DMD: variants seen among roughly 807,000 people sequenced by gnomAD.
DMD encodes the protein dystrophin.
In DMD, 63 loss-of-function variants were observed where a neutral mutation model predicts 330.1. The ratio of observed to expected loss-of-function variants is 0.19; its 90% CI spans 0.16 to 0.24. The LOEUF (loss-of-function observed/expected upper bound fraction) is 0.24, where lower values mean the gene tolerates loss of function less well. Ranked by LOEUF, DMD falls within the 10% of genes least tolerant of loss-of-function variation. DMD has a pLI of 1.00. For missense variants in DMD, 3,344 were observed against 2,684.1 expected (o/e 1.25, Z -5.43); for synonymous variants, 1,223 against 959.8 (o/e 1.27, Z -5.07).
intron 1 of DMD, among the ~76,000 whole-genome samples, chrX:33,173,850 C>A (rs1414550785): frequency 9.1e-6 from 1 of 109,448 alleles, no homozygotes; most frequent in Non-Finnish European, 1.9e-5. Context: ...ACCAAATCAC[C>A]CTTAATAACT....
At chrX:31,638,828 T>A (rs1230278369) in intron 54 of DMD, among the ~76,000 whole-genome samples, 1 of 112,035 alleles carries the variant, frequency 8.9e-6, no homozygotes, top group African/African-American at 3.2e-5. Flanking sequence ...TACAATAATA[T>A]CTCTTATAAT....
intron 60 of DMD, among the ~76,000 whole-genome samples, chrX:31,400,366 G>A (rs1428627847): frequency 1.8e-5 from 2 of 111,099 alleles, no homozygotes; most frequent in Non-Finnish European, 3.8e-5. Flanking sequence ...CTTCTGGATG[G>A]AACAAATGTA....
intron 37 of DMD, among the ~76,000 whole-genome samples, chrX:32,357,552 T>A (rs374978920): frequency 2.8e-4 from 31 of 109,995 alleles, no homozygotes; most frequent in East Asian, 1.7e-3. Flanking sequence ...AGGTCATCAG[T>A]GTATCTCATC....
At chrX:31,515,147 G>A (rs1173727697) in intron 55 of DMD, among the ~76,000 whole-genome samples, 1 of 111,418 alleles carries the variant, frequency 9.0e-6, no homozygotes, top group Admixed American at 9.5e-5. Context: ...TGTTTTACTA[G>A]AAGAAAAATA....
chrX:31,583,261 G>A (rs1044209618), intron 55 of DMD, among the ~76,000 whole-genome samples: 3 of 111,770 alleles, frequency 2.7e-5, no homozygotes, highest in African/African-American at 9.7e-5. Flanking sequence ...AATTAGAGCC[G>A]TGGATGAAGA....
intron 18 of DMD, among the ~76,000 whole-genome samples, chrX:32,509,445 T>G (rs1185976192): frequency 9.0e-6 from 1 of 111,704 alleles, no homozygotes; most frequent in Non-Finnish European, 1.9e-5. Context: ...GGAAGATAAC[T>G]GTCCTCATTT....
intron 44 of DMD, among the ~76,000 whole-genome samples, chrX:32,023,095 C>T (rs745399776): frequency 4.5e-5 from 5 of 111,263 alleles, no homozygotes; most frequent in Admixed American, 9.5e-5. Context: ...CCTCCTGAAG[C>T]GCTGAGATTA....
intron 9 of DMD, among the ~76,000 whole-genome samples, chrX:32,667,029 C>G (rs1332300411): frequency 9.4e-6 from 1 of 106,410 alleles, no homozygotes; most frequent in Non-Finnish European, 1.9e-5. Flanking sequence ...GTTTAAGTAT[C>G]CATGGATAAA....
chrX:32,887,935 A>G (rs1454435577), intron 2 of DMD, among the ~76,000 whole-genome samples: 2 of 109,226 alleles, frequency 1.8e-5, no homozygotes, highest in Non-Finnish European at 3.8e-5. Context: ...TATATGGTAT[A>G]CAAATATTTT....
At chrX:31,215,051 C>T (rs189711444) in intron 64 of DMD, among the ~76,000 whole-genome samples, 1,262 of 102,235 alleles carry the variant, frequency 0.012, 24 homozygotes, top group African/African-American at 0.043. Flanking sequence ...ACGCCATTCT[C>T]CTGCCTCAGA....
intron 21 of DMD, 114 bp from the exon 22 acceptor site, chrX:32,472,423 T>C (rs2040753786): frequency 1.4e-6 from 1 of 715,766 alleles, no homozygotes; most frequent in African/African-American, 2.1e-5. Context: ...ATTAACAAAA[T>C]TAGAAAATCT....
intron 78 of DMD, among the ~76,000 whole-genome samples, chrX:31,125,752 C>A (rs1365696907): frequency 8.9e-6 from 1 of 112,238 alleles, no homozygotes; most frequent in African/African-American, 3.2e-5. Context: ...AAACCACATT[C>A]AGTGATAAGA....
At chrX:32,733,914 A>T (rs1427092944) in intron 7 of DMD, among the ~76,000 whole-genome samples, 2 of 105,582 alleles carry the variant, frequency 1.9e-5, no homozygotes, top group Non-Finnish European at 3.9e-5. Context: ...AACTAAAATC[A>T]GAGCAGAACT....
intron 44 of DMD, among the ~76,000 whole-genome samples, chrX:32,167,172 A>G (rs777234615): frequency 2.7e-5 from 3 of 112,382 alleles, no homozygotes; most frequent in Non-Finnish European, 5.6e-5. Context: ...ATGTGGTTAC[A>G]TTTCATAGGT....
intron 43 of DMD, among the ~76,000 whole-genome samples, chrX:32,269,863 A>G (rs2097359204): frequency 8.9e-6 from 1 of 112,289 alleles, no homozygotes; most frequent in South Asian, 3.7e-4. Context: ...TCCTTCCCTC[A>G]TCACTGAATT....
At chrX:31,742,356 T>C (rs2087424891) in intron 51 of DMD, among the ~76,000 whole-genome samples, 1 of 112,817 alleles carries the variant, frequency 8.9e-6, no homozygotes, top group Non-Finnish European at 1.9e-5. Context: ...CTCACCAATC[T>C]TAATCATTTC....
rs928702043 is a variant in DMD, at chrX:32,969,493, C to T, written c.93+50646G>A. Among the ~76,000 whole-genome samples the T allele has an allele frequency of 1.2e-4, 11 of 93,000 alleles. 2 individuals carry two copies. Among genetic ancestry groups the T allele is most frequent in the Admixed American group, 3.2e-4 (3 of 9,363 alleles). The allele number at this position is 93,000 out of a possible 115,157, so 80.8% of individuals were successfully genotyped here. A position where few individuals can be genotyped will look rare whatever the true frequency, so the allele number is the denominator to read the frequency against. The stretch of plus-strand genomic sequence containing the variant: ...AGATACATAGATAAAAATTCAAGTA[C>T]CATCAAAGTCTACCTTCTTCCTATC... On this transcript the variant is annotated intron_variant, in intron 2 of 78. Coordinates refer to ENST00000357033, the MANE Select transcript of DMD (RefSeq NM_004006.3).
chrX:31,331,066 C>G (rs2057095982), intron 61 of DMD, among the ~76,000 whole-genome samples: 1 of 112,111 alleles, frequency 8.9e-6, no homozygotes, highest in Non-Finnish European at 1.9e-5. Context: ...GGCTACATTC[C>G]AGAGAGGAAG....
chrX:32,783,095 G>A (rs1446871972), intron 7 of DMD, among the ~76,000 whole-genome samples: 1 of 90,204 alleles, frequency 1.1e-5, no homozygotes, highest in Non-Finnish European at 2.1e-5. Flanking sequence ...ATACATATAT[G>A]GTGTATATAT....
Sources: gnomAD v4.1 joint callset for allele counts (sites outside exome capture counted in the v4.1 genomes callset) on GRCh38, gnomAD v4.1.1 for gene constraint, MANE v1.5 for transcripts, NCBI Gene and HGNC (gene_info 2026-07-23, HGNC 2026-07-21) for gene names.